The following TNRC6A variants were observed in gnomAD, a reference collection of about 807,000 sequenced individuals.
The protein encoded by TNRC6A is trinucleotide repeat-containing gene 6A protein.
TNRC6A carries 44 observed loss-of-function variants against 221.2 expected under a neutral mutation model. That is an observed-to-expected ratio of 0.20 (90% CI 0.16 to 0.26). The LOEUF is 0.26. TNRC6A is among the 10% of genes least tolerant of loss of function. The probability of loss-of-function intolerance (pLI) is 1.00; values close to 1 mark genes in which losing one functional copy is unlikely to be tolerated. For synonymous variants in TNRC6A, 847 were observed against 838.5 expected, an observed-to-expected ratio of 1.01 and a Z score of -0.18; for missense variants, 2,199 against 2,404.4, an observed-to-expected ratio of 0.91 and a Z score of 1.79.
At position 24,777,172 on chromosome 16, in the gene TNRC6A, G is replaced by A. The variant is rs2057743586; in HGVS notation, c.403G>A (p.Glu135Lys). The stretch of plus-strand genomic sequence containing the variant: ...ACAGGCCTTGCCTCGGTATCCTCGT[G>A]AAGTACCTCCACGATTTCGCCACCA... ...QPQALPRYPR[E>K]VPPRFRHQEH... is the part of the protein sequence containing the mutation. The change falls in exon 5 of 25, where the codon GAA becomes AAA. Residue 135 changes from glutamate to lysine, a missense_variant. Around this residue, in one of 8 missense-constraint regions of TNRC6A, gnomAD observed 1,405 missense variants for 1,400.2 expected, o/e 1.00. Coordinates refer to ENST00000395799, the MANE Select transcript of TNRC6A (RefSeq NM_014494.4). 4 of 1,613,994 alleles carry A rather than the reference G, an allele frequency of 2.5e-6. No individual in the cohort carries two copies. The highest frequency in any genetic ancestry group is 3.4e-6 in the Non-Finnish European group (4 of 1,180,034).
At chr16:24,733,220 A>G (rs558081659) in intron 2 of TNRC6A, among the ~76,000 whole-genome samples, 1 of 152,284 alleles carries the variant, frequency 6.6e-6, no homozygotes, top group East Asian at 1.9e-4. Flanking sequence ...AAAAGAAAAA[A>G]AAATCTTTTA....
At position 24,790,594 on chromosome 16, in the gene TNRC6A, C is replaced by T; in HGVS notation, c.1952C>T (p.Ser651Phe). The T allele has an allele frequency of 1.9e-6, 3 of 1,614,194 alleles. No homozygotes were observed. In the South Asian group the frequency reaches 3.3e-5, roughly 18 times the overall value. ...WKSTEEEDQG[S>F]ATSQTNEQSS... is the part of the protein sequence containing the mutation. The stretch of plus-strand genomic sequence containing the variant: ...TCTACTGAGGAAGAGGATCAGGGTT[C>T]TGCCACATCTCAGACAAATGAGCAA... The change falls in exon 6 of 25, where the codon TCT becomes TTT. Residue 651 changes from serine (S) to phenylalanine (F), a missense_variant. This residue lies in a region of TNRC6A where 1,405 missense variants were observed against 1,400.2 expected (regional missense o/e 1.00). Transcript: ENST00000395799.
At chr16:24,812,967 C>T (rs2058579323) in intron 18 of TNRC6A, among the ~76,000 whole-genome samples, 2 of 149,556 alleles carry the variant, frequency 1.3e-5, no homozygotes, top group South Asian at 4.3e-4. Flanking sequence ...CCTTGACCTC[C>T]CAGACTCAGA....
At position 24,823,922 on chromosome 16, in the gene TNRC6A, T is replaced by G; in HGVS notation, c.*115T>G. ...TGTGGGAACAGCTATTCTCTGCACATTTTCCACTTTGTTTTCCCCAAAACA... is the reference window on the plus strand; with the variant it reads ...TGTGGGAACAGCTATTCTCTGCACAGTTTCCACTTTGTTTTCCCCAAAACA... On this transcript the variant is annotated 3_prime_UTR_variant, in exon 25 of 25. Coordinates refer to ENST00000395799, the MANE Select transcript of TNRC6A (RefSeq NM_014494.4). This position sits in a 1 kb window ranked among gnomAD's most constrained non-coding sequence, Gnocchi z 4.3. 9.0e-7 allele frequency: 1 copy of G among 1,114,520 alleles called. No homozygotes were observed. Among genetic ancestry groups the G allele is most frequent in the Non-Finnish European group, 1.2e-6 (1 of 838,330 alleles). The allele number at this position is 1,114,520 out of a possible 1,614,324, so 69.0% of individuals were successfully genotyped here. A position where few individuals can be genotyped will look rare whatever the true frequency, so the allele number is the denominator to read the frequency against.
At chr16:24,748,726 T>C (rs1203321125) in intron 2 of TNRC6A, among the ~76,000 whole-genome samples, 1 of 152,174 alleles carries the variant, frequency 6.6e-6, no homozygotes, top group East Asian at 1.9e-4. Flanking sequence ...AGCGCACCTA[T>C]AGCAACAACC....
At chr16:24,715,291 T>C (rs759866141) in intron 2 of TNRC6A, among the ~76,000 whole-genome samples, 1 of 152,000 alleles carries the variant, frequency 6.6e-6, no homozygotes, top group Non-Finnish European at 1.5e-5. Context: ...TCCAGGATGG[T>C]CTTGAACTTC....
intron 22 of TNRC6A, chr16:24,821,800 C>T (rs951681721): frequency 2.1e-6 from 1 of 478,424 alleles, no homozygotes; most frequent in Non-Finnish European, 3.8e-6. Context: ...ATGAGAAGAT[C>T]TCAAAAAGAT....
chr16:24,694,239 C>T (rs916977351), intron 2 of TNRC6A, among the ~76,000 whole-genome samples: 3 of 152,256 alleles, frequency 2.0e-5, no homozygotes, highest in African/African-American at 4.8e-5. Context: ...GGTCTCTTGC[C>T]TGAGGCTCCC....
At chr16:24,693,561 C>G (rs1460113579) in intron 2 of TNRC6A, among the ~76,000 whole-genome samples, 2 of 151,138 alleles carry the variant, frequency 1.3e-5, no homozygotes, top group African/African-American at 4.9e-5. Flanking sequence ...GCACTCCAGC[C>G]TGGGTGACAG....
chr16:24,658,571 A>G (rs762249237), intron 2 of TNRC6A, among the ~76,000 whole-genome samples: 3 of 152,204 alleles, frequency 2.0e-5, no homozygotes, highest in South Asian at 2.1e-4. Context: ...CATGTTGGCC[A>G]GGCTGGTCTT....
At chr16:24,655,367 G>A (rs2054888486) in intron 2 of TNRC6A, among the ~76,000 whole-genome samples, 1 of 152,076 alleles carries the variant, frequency 6.6e-6, no homozygotes, top group Non-Finnish European at 1.5e-5. Context: ...TTTTATTATA[G>A]GCCTTAGATA....
At chr16:24,625,155 C>T (rs937137155) in intron 1 of TNRC6A, among the ~76,000 whole-genome samples, 5 of 152,214 alleles carry the variant, frequency 3.3e-5, no homozygotes, top group South Asian at 4.1e-4. Context: ...AAAACTTGAA[C>T]CCCTCATTTT....
intron 2 of TNRC6A, among the ~76,000 whole-genome samples, chr16:24,682,389 C>CCT (rs1555488920): frequency 7.7e-6 from 1 of 130,414 alleles, no homozygotes; most frequent in Non-Finnish European, 1.6e-5. Context: ...CCACGCCCAG[C>CCT]TTTTTTTTTT....
chr16:24,660,098 G>GT (rs1209412379), intron 2 of TNRC6A, among the ~76,000 whole-genome samples: 2 of 151,892 alleles, frequency 1.3e-5, no homozygotes, highest in Non-Finnish European at 2.9e-5. Context: ...ATTTCTGTAG[G>GT]TTTTGGGGGG....
At chr16:24,722,245 TATAA>T (rs1399058721) in intron 2 of TNRC6A, among the ~76,000 whole-genome samples, 4 of 152,012 alleles carry the variant, frequency 2.6e-5, no homozygotes, top group African/African-American at 9.7e-5. Flanking sequence ...AACCCATCTC[TATAA>T]AAAGTAATAA....
At chr16:24,749,405 T>A (rs1002828824) in intron 2 of TNRC6A, among the ~76,000 whole-genome samples, 7 of 152,282 alleles carry the variant, frequency 4.6e-5, no homozygotes, top group African/African-American at 1.4e-4. Flanking sequence ...CTGTGGAAGG[T>A]TTTGTTTCTT....
chr16:24,708,065 A>G (rs1170018771), intron 2 of TNRC6A, among the ~76,000 whole-genome samples: 1 of 151,922 alleles, frequency 6.6e-6, no homozygotes, highest in Non-Finnish European at 1.5e-5. Flanking sequence ...TCAAAAAAAA[A>G]AAAACACACA....
chr16:24,615,782 T>G (rs1900308704), intron 1 of TNRC6A, among the ~76,000 whole-genome samples: 1 of 152,142 alleles, frequency 6.6e-6, no homozygotes, highest in African/African-American at 2.4e-5. Context: ...TCCCAGCTAC[T>G]CAGGAAGCTG....
chr16:24,808,790 A>G (rs187293027), intron 17 of TNRC6A, among the ~76,000 whole-genome samples: 19 of 152,330 alleles, frequency 1.2e-4, no homozygotes, highest in Admixed American at 6.5e-4. Flanking sequence ...TTTTTAAACA[A>G]GCGTTTTAGG....
Sources: allele counts gnomAD v4.1 joint callset (sites outside exome capture counted in the v4.1 genomes callset), GRCh38; gene constraint gnomAD v4.1.1; regional missense constraint gnomAD v4.1.1; non-coding constraint Gnocchi (gnomAD v3.1); transcripts MANE v1.5; gene names NCBI Gene and HGNC (gene_info 2026-07-23, HGNC 2026-07-21).